DOCK11: variants seen among roughly 807,000 people sequenced by gnomAD.
DOCK11 encodes dedicator of cytokinesis 11.
In DOCK11, 70 loss-of-function variants were observed where a neutral mutation model predicts 169.1. The ratio of observed to expected loss-of-function variants is 0.41; its 90% CI spans 0.34 to 0.51. The LOEUF (loss-of-function observed/expected upper bound fraction) is 0.51, where lower values mean the gene tolerates loss of function less well. DOCK11 is among the 20% of genes least tolerant of loss of function. The probability of loss-of-function intolerance (pLI) is 0.10; values close to 1 mark genes in which losing one functional copy is unlikely to be tolerated. For missense variants in DOCK11, 1,166 were observed against 1,538.8 expected (o/e 0.76, Z 4.05); for synonymous variants, 529 against 541.3 (o/e 0.98, Z 0.32).
rs1412431326 is a variant in DOCK11, at chrX:118,624,521, T to C, written c.3472-18T>C. On this transcript the variant is annotated intron_variant, in intron 31 of 52. Transcript: ENST00000276202. ...TACATATTATATACGTATTAAGCTT[T>C]CAATAATTATTTTTCAGAACCAACA... The C allele has an allele frequency of 1.9e-6, 2 of 1,056,471 alleles. No homozygotes were observed. Among genetic ancestry groups the C allele is most frequent in the Admixed American group, 2.2e-5 (1 of 44,686 alleles). 87.1% of individuals were successfully genotyped at this position (1,056,471 alleles called of 1,213,427 possible).
intron 41 of DOCK11, among the ~76,000 whole-genome samples, chrX:118,651,729 A>T (rs189453887): frequency 8.9e-5 from 10 of 112,058 alleles, no homozygotes; most frequent in African/African-American, 3.2e-4. Context: ...AGTTTTGAAA[A>T]ATTGTTTACG....
rs1324101131 is a variant in DOCK11 at position 118,649,578 on chromosome X, G to C, written c.4581+451G>C. On this transcript the variant is annotated intron_variant, in intron 41 of 52. Coordinates refer to ENST00000276202, the MANE Select transcript of DOCK11 (RefSeq NM_144658.4). ...CTGTCACCCAGGCTGGAGTGCTGTG[G>C]CATGATCTCGGCTCACTGCAACCTC... Among the ~76,000 whole-genome samples, 5 of 111,454 alleles carry C rather than the reference G, an allele frequency of 4.5e-5. No individual in the cohort carries two copies. In the Admixed American group the frequency reaches 4.8e-4, roughly 11 times the overall value.
intron 1 of DOCK11, among the ~76,000 whole-genome samples, chrX:118,497,354 T>A (rs1406882572): frequency 8.9e-6 from 1 of 111,761 alleles, no homozygotes; most frequent in Non-Finnish European, 1.9e-5. Context: ...TTGACATTAG[T>A]GGGAGTTCTG....
chrX:118,592,802 T>C (rs2014044351), intron 19 of DOCK11, among the ~76,000 whole-genome samples: 1 of 112,713 alleles, frequency 8.9e-6, no homozygotes, highest in Non-Finnish European at 1.9e-5. Context: ...GGCTTAATTT[T>C]TTCATGCAAA....
chrX:118,657,880 G>A (rs2016116127), intron 44 of DOCK11, among the ~76,000 whole-genome samples: 1 of 109,771 alleles, frequency 9.1e-6, no homozygotes, highest in Non-Finnish European at 1.9e-5. Flanking sequence ...GGTACTGCTC[G>A]GGTGACAGGT....
chrX:118,616,876 G>GA (rs1349317634), intron 30 of DOCK11, among the ~76,000 whole-genome samples: 1 of 111,182 alleles, frequency 9.0e-6, no homozygotes, highest in Non-Finnish European at 1.9e-5. Context: ...TGAAAATGGA[G>GA]AAAAAAATAT....
Position 118,593,357 on chromosome X carries a change from GTCTC to G in DOCK11, c.2263+26_2263+29del. 1 of 1,186,986 alleles carries G rather than the reference GTCTC, an allele frequency of 8.4e-7. No individual in the cohort carries two copies. Among genetic ancestry groups the G allele is most frequent in the Non-Finnish European group, 1.1e-6 (1 of 884,151 alleles). On this transcript the variant is annotated intron_variant, in intron 20 of 52. Coordinates refer to ENST00000276202, the MANE Select transcript of DOCK11 (RefSeq NM_144658.4). ...CTCCAGGTACGTGTTCTCTTTAAAT[GTCTC>G]TCTCTACAGTTATTTGAAATGGAAC...
At chrX:118,622,377 T>C (rs1049373127) in intron 31 of DOCK11, among the ~76,000 whole-genome samples, 6 of 112,511 alleles carry the variant, frequency 5.3e-5, no homozygotes, top group Non-Finnish European at 1.1e-4. Context: ...CATAGTATTC[T>C]ATCATATGGA....
At chrX:118,641,558 G>A (rs751410973) in intron 39 of DOCK11, among the ~76,000 whole-genome samples, 2 of 111,193 alleles carry the variant, frequency 1.8e-5, no homozygotes, top group Admixed American at 9.6e-5. Flanking sequence ...TTAGATTTTC[G>A]TATTTAAAAA....
At chrX:118,679,995 C>T (rs996772177) in intron 48 of DOCK11, among the ~76,000 whole-genome samples, 3 of 93,566 alleles carry the variant, frequency 3.2e-5, no homozygotes, top group African/African-American at 4.3e-5. Flanking sequence ...GGCGCGATCT[C>T]GGCTCACTGC....
rs762145197 is a variant in DOCK11 at position 118,641,194 on chromosome X, T to C, written c.4149T>C (p.Ser1383=). The C allele has an allele frequency of 3.3e-6, 4 of 1,200,102 alleles. No homozygotes were observed. In the East Asian group the frequency reaches 1.2e-4, roughly 36 times the overall value. The part of the protein sequence containing the change: ...LESSFTLNHS[S]TTTEADIFHQ... ...AATTTACTTTTTTAATCCTAGGTTCTACAACAACTGAAGCAGACATTTTCC... is the reference window on the plus strand; with the variant it reads ...AATTTACTTTTTTAATCCTAGGTTCCACAACAACTGAAGCAGACATTTTCC... Residue 1383 remains serine, a synonymous_variant, in exon 39 of 53, where the codon TCT becomes TCC. Transcript: ENST00000276202.
At chrX:118,603,216 G>A (rs937058339) in intron 23 of DOCK11, among the ~76,000 whole-genome samples, 1 of 112,784 alleles carries the variant, frequency 8.9e-6, no homozygotes, top group African/African-American at 3.2e-5. Context: ...ATAAAAGACC[G>A]TGTAGCTATA....
intron 45 of DOCK11, among the ~76,000 whole-genome samples, chrX:118,666,118 G>T (rs1420863437): frequency 2.7e-5 from 3 of 111,272 alleles, no homozygotes; most frequent in Admixed American, 1.9e-4. Context: ...TTAGCCGAGC[G>T]TGGTGGCACA....
At chrX:118,567,070 G>A (rs2013102527) in intron 9 of DOCK11, among the ~76,000 whole-genome samples, 1 of 111,938 alleles carries the variant, frequency 8.9e-6, no homozygotes, top group African/African-American at 3.2e-5. Context: ...AAATATATGT[G>A]TATATGAATG....
intron 24 of DOCK11, 147 bp from the exon 25 acceptor site, chrX:118,607,925 A>T: frequency 2.2e-6 from 1 of 450,612 alleles, no homozygotes; most frequent in South Asian, 4.8e-5. Context: ...TGCCTAAACT[A>T]TCACCATTAT....
intron 1 of DOCK11, among the ~76,000 whole-genome samples, chrX:118,524,725 G>GA (rs376087664): frequency 7.2e-5 from 8 of 111,720 alleles, no homozygotes; most frequent in African/African-American, 2.6e-4. Flanking sequence ...CAAAAAACTG[G>GA]AAAATAAGTG....
chrX:118,596,529 C>A (rs771145403), intron 20 of DOCK11, among the ~76,000 whole-genome samples: 1 of 112,160 alleles, frequency 8.9e-6, no homozygotes, highest in Non-Finnish European at 1.9e-5. Flanking sequence ...AAAAAATGTT[C>A]TCCAGCCAAT....
At chrX:118,516,087 C>CTTTTCT (rs2057684348) in intron 1 of DOCK11, among the ~76,000 whole-genome samples, 1 of 63,732 alleles carries the variant, frequency 1.6e-5, no homozygotes, top group African/African-American at 7.1e-5. Context: ...CTTTTCTTTT[C>CTTTTCT]TTTTTCTTTT....
chrX:118,503,523 G>T (rs2147305320), intron 1 of DOCK11, among the ~76,000 whole-genome samples: 1 of 111,330 alleles, frequency 9.0e-6, no homozygotes, highest in East Asian at 2.8e-4. Flanking sequence ...TAATTTTGAG[G>T]TTTCTCAGCT....
Sources: allele counts gnomAD v4.1 joint callset (sites outside exome capture counted in the v4.1 genomes callset), GRCh38; gene constraint gnomAD v4.1.1; transcripts MANE v1.5; gene names NCBI Gene and HGNC (gene_info 2026-07-23, HGNC 2026-07-21).